Variants in COL5A1 observed in about 807,000 individuals in gnomAD.
The protein encoded by COL5A1 is collagen alpha-1(V) chain.
COL5A1 carries 16 observed loss-of-function variants against 263.7 expected under a neutral mutation model. That is an observed-to-expected ratio of 0.06 (90% CI 0.04 to 0.09). The LOEUF is 0.09. Among genes scored for constraint, COL5A1 ranks in the 10% least tolerant of loss-of-function variants. The pLI is 1.00. For missense variants in COL5A1, 2,036 were observed against 2,540.5 expected (o/e 0.80, Z 4.27); for synonymous variants, 1,012 against 1,004.5 (o/e 1.01, Z -0.14).
intron 1 of COL5A1, among the ~76,000 whole-genome samples, chr9:134,651,833 C>T (rs1269049619): frequency 6.6e-6 from 1 of 152,262 alleles, no homozygotes; most frequent in Non-Finnish European, 1.5e-5. Flanking sequence ...CAGGATCTGT[C>T]TTTGCTGCTG....
chr9:134,668,307 A>G (rs1832419253), intron 1 of COL5A1, among the ~76,000 whole-genome samples: 1 of 152,202 alleles, frequency 6.6e-6, no homozygotes, highest in Non-Finnish European at 1.5e-5. Flanking sequence ...AATGTCTAAG[A>G]TGAGGTCTAG....
chr9:134,782,561 G>C, intron 28 of COL5A1, 106 bp from the exon 29 acceptor site: 1 of 1,076,394 alleles, frequency 9.3e-7, no homozygotes, highest in East Asian at 2.4e-5. Flanking sequence ...TGCCCCCCAA[G>C]CGTGGGGGAC....
At chr9:134,822,891 G>T (rs73664153) in intron 59 of COL5A1, 107 bp from the exon 60 acceptor site, 5 of 1,229,310 alleles carry the variant, frequency 4.1e-6, no homozygotes, top group Non-Finnish European at 5.9e-6. Flanking sequence ...AGGGGGATGC[G>T]GGTGGGAGAG....
intron 62 of COL5A1, 81 bp from the exon 63 acceptor site, chr9:134,825,711 A>C: frequency 1.1e-6 from 1 of 893,964 alleles, no homozygotes; most frequent in South Asian, 1.4e-5. Context: ...GCTGGACTGA[A>C]ATGTCACAGC....
chr9:134,834,514 A>C (rs983988246), intron 64 of COL5A1, among the ~76,000 whole-genome samples: 2 of 152,170 alleles, frequency 1.3e-5, no homozygotes, highest in African/African-American at 4.8e-5. Context: ...TCAAGCGCAC[A>C]CTGGGCAGCC....
At chr9:134,788,575 AGGTGGGTG>A (rs1837552979) in intron 31 of COL5A1, among the ~76,000 whole-genome samples, 1 of 129,612 alleles carries the variant, frequency 7.7e-6, no homozygotes, top group Admixed American at 8.1e-5. Context: ...ATGAATGGGT[AGGTGGGTG>A]GGTGGGTAGG....
At chr9:134,744,782 C>T (rs1835439505) in intron 11 of COL5A1, among the ~76,000 whole-genome samples, 2 of 151,934 alleles carry the variant, frequency 1.3e-5, no homozygotes, top group South Asian at 4.1e-4. Flanking sequence ...CATACATGCA[C>T]ACACATACAC....
Position 134,766,444 on chromosome 9 carries a change from TC to T in COL5A1, c.2089-9del. 1 of 1,614,070 alleles carries T rather than the reference TC, an allele frequency of 6.2e-7. No individual in the cohort carries two copies. The highest frequency in any genetic ancestry group is 1.1e-5 in the South Asian group (1 of 91,082). ...CAGTTACATGTTTTTCTTCTTAAAA[TC>T]GTACACAGGGTGTCACGGGTATGGA... is the stretch of plus-strand genomic sequence containing the variant. On this transcript the variant is annotated splice_polypyrimidine_tract_variant and intron_variant, in intron 21 of 65. Coordinates refer to ENST00000371817, the MANE Select transcript of COL5A1 (RefSeq NM_000093.5).
At position 134,758,258 on chromosome 9, in the gene COL5A1, G is replaced by C; in HGVS notation, c.1897G>C (p.Asp633His). Residue 633 changes from aspartate (D) to histidine (H), a missense_variant, in exon 18 of 66, where the codon GAC becomes CAC. Around this residue, in one of 3 missense-constraint regions of COL5A1, gnomAD observed 1,078 missense variants for 1,521.4 expected, o/e 0.71. Coordinates refer to ENST00000371817, the MANE Select transcript of COL5A1 (RefSeq NM_000093.5). This position sits in a 1 kb window ranked among gnomAD's most constrained non-coding sequence, Gnocchi z 4.1. Reference protein sequence around the residue: ...QTGPKGDRGFDGLAGLPGEKG... With the variant: ...QTGPKGDRGFHGLAGLPGEKG... ...CTTTTTGCAGGGTGACCGGGGTTTCGACGGCCTGGCTGGGTTGCCAGGCGA... is the reference window on the plus strand; with the variant it reads ...CTTTTTGCAGGGTGACCGGGGTTTCCACGGCCTGGCTGGGTTGCCAGGCGA... 1.2e-6 allele frequency: 2 copies of C among 1,614,022 alleles called. No homozygotes were observed. The highest frequency in any genetic ancestry group is 1.7e-6 in the Non-Finnish European group (2 of 1,180,006).
chr9:134,753,760 C>G, intron 14 of COL5A1, 90 bp from the exon 15 acceptor site: 1 of 627,854 alleles, frequency 1.6e-6, no homozygotes, highest in East Asian at 3.7e-5. Context: ...CCTGTCCCCT[C>G]CCCCTGCCCC....
In COL5A1 at chr9:134,818,514, A is replaced by C. The variant is rs1193311768; in HGVS notation, c.4231-142A>C. 4.6e-6 allele frequency: 3 copies of C among 655,340 alleles called. No homozygotes were observed. The highest frequency in any genetic ancestry group is 8.2e-6 in the Non-Finnish European group (3 of 364,198). The allele number at this position is 655,340 out of a possible 1,614,324, so 40.6% of individuals were successfully genotyped here. A position where few individuals can be genotyped will look rare whatever the true frequency, so the allele number is the denominator to read the frequency against. ...CAGGGCAGCTTCCACAGGCAATGAA[A>C]TGTGGAGAATTAGGGCAACCCCGGA... is the stretch of plus-strand genomic sequence containing the variant. On this transcript the variant is annotated intron_variant, in intron 54 of 65. Coordinates refer to ENST00000371817, the MANE Select transcript of COL5A1 (RefSeq NM_000093.5). This position sits in a 1 kb window ranked among gnomAD's most constrained non-coding sequence, Gnocchi z 6.0.
Position 134,731,514 on chromosome 9 carries a change from G to C in COL5A1, c.1183G>C (p.Glu395Gln). 1 of 1,614,242 alleles carries C rather than the reference G, an allele frequency of 6.2e-7. No homozygotes were observed. Among genetic ancestry groups the C allele is most frequent in the Non-Finnish European group, 8.5e-7 (1 of 1,180,026 alleles). Residue 395 changes from glutamate to glutamine, a missense_variant, in exon 8 of 66, where the codon GAA becomes CAA. By Grantham distance (29) the Glu-to-Gln change is conservative. Around this residue, in one of 3 missense-constraint regions of COL5A1, gnomAD observed 600 missense variants for 634.5 expected, o/e 0.95. Transcript: ENST00000371817. ...TCTGCAGCCAGCTCCGCCTCCAGGGGAAGGTGCGGATGACTTGGAGGGGGA... is the reference window on the plus strand; with the variant it reads ...TCTGCAGCCAGCTCCGCCTCCAGGGCAAGGTGCGGATGACTTGGAGGGGGA... Reference protein sequence around the residue: ...NSSNPAPPPGEGADDLEGEFT... With the variant: ...NSSNPAPPPGQGADDLEGEFT...
At chr9:134,820,067 T>G in intron 57 of COL5A1, 49 bp from the exon 58 acceptor site, 1 of 1,433,580 alleles carries the variant, frequency 7.0e-7, no homozygotes, top group Non-Finnish European at 9.8e-7. Context: ...TGGCCGAGCA[T>G]GAGGCGTGGC....
chr9:134,759,453 ACT>A (rs1476710943), intron 18 of COL5A1, among the ~76,000 whole-genome samples: 1 of 106,430 alleles, frequency 9.4e-6, no homozygotes, highest in Non-Finnish European at 1.7e-5. Flanking sequence ...ACACCCACAC[ACT>A]CATACATGCA....
intron 11 of COL5A1, among the ~76,000 whole-genome samples, chr9:134,744,714 C>T (rs1278965650): frequency 7.0e-6 from 1 of 142,458 alleles, no homozygotes; most frequent in Non-Finnish European, 1.5e-5. Flanking sequence ...CATGCTCTCA[C>T]ACAGTTACAC....
chr9:134,762,160 CGGGGCATT>C (rs1164461037), intron 19 of COL5A1, among the ~76,000 whole-genome samples, 182 bp downstream of exon 19: 1 of 152,166 alleles, frequency 6.6e-6, no homozygotes, highest in Non-Finnish European at 1.5e-5. Flanking sequence ...CAAGAGGCTG[CGGGGCATT>C]GGAGAGACCC....
At chr9:134,712,756 A>G (rs1834111221) in intron 4 of COL5A1, among the ~76,000 whole-genome samples, 1 of 148,864 alleles carries the variant, frequency 6.7e-6, no homozygotes, top group South Asian at 2.1e-4. Flanking sequence ...CTGGCCCTAG[A>G]CCCTGGTGCT....
intron 22 of COL5A1, 41 bp from the exon 23 acceptor site, chr9:134,766,958 TC>T (rs1346887226): frequency 1.3e-6 from 2 of 1,583,958 alleles, no homozygotes; most frequent in Admixed American, 3.4e-5. Flanking sequence ...GGGATACAGT[TC>T]CCAGAGCCCC....
chr9:134,693,373 T>A (rs1320635861), intron 2 of COL5A1, among the ~76,000 whole-genome samples: 1 of 152,176 alleles, frequency 6.6e-6, no homozygotes, highest in African/African-American at 2.4e-5. Context: ...TAGGGTAAAT[T>A]TCTGAATAGT....
Sources: gnomAD v4.1 joint callset for allele counts (sites outside exome capture counted in the v4.1 genomes callset) on GRCh38, gnomAD v4.1.1 for gene constraint, gnomAD v4.1.1 regional missense constraint, Gnocchi (gnomAD v3.1) non-coding constraint, MANE v1.5 for transcripts, NCBI Gene and HGNC (gene_info 2026-07-23, HGNC 2026-07-21) for gene names.